FAT3: variants seen among roughly 807,000 people sequenced by gnomAD.
FAT3 encodes FAT atypical cadherin 3, also known as protocadherin Fat 3.
Under a neutral mutation model 310.2 loss-of-function variants are expected in FAT3, and 95 were observed. The ratio of observed to expected loss-of-function variants is 0.31; its 90% CI spans 0.26 to 0.36. The LOEUF (loss-of-function observed/expected upper bound fraction) is 0.36, where lower values mean the gene tolerates loss of function less well. Ranked by LOEUF, FAT3 falls within the 10% of genes least tolerant of loss-of-function variation. The pLI, the probability that FAT3 is intolerant of heterozygous loss-of-function variation, is 1.00. For synonymous variants in FAT3, 2,314 were observed against 2,192.9 expected (o/e 1.06, Z -1.54); for missense variants, 5,408 against 5,715.6 (o/e 0.95, Z 1.74).
At chr11:92,509,758 C>T (rs190660648) in intron 2 of FAT3, among the ~76,000 whole-genome samples, 2 of 152,124 alleles carry the variant, frequency 1.3e-5, no homozygotes, top group Admixed American at 1.3e-4. Context: ...ACTTTTGCAC[C>T]TAAATAAAAC....
At chr11:92,600,551 T>C (rs571150181) in intron 3 of FAT3, among the ~76,000 whole-genome samples, 1 of 152,312 alleles carries the variant, frequency 6.6e-6, no homozygotes, top group African/African-American at 2.4e-5. Context: ...TGCTTAGAAT[T>C]GTACATTAAC....
At chr11:92,618,836 T>G (rs974945705) in intron 3 of FAT3, among the ~76,000 whole-genome samples, 1 of 152,120 alleles carries the variant, frequency 6.6e-6, no homozygotes, top group African/African-American at 2.4e-5. Flanking sequence ...TTTTTTTTTC[T>G]TTTTCTTATT....
chr11:92,250,943 C>T (rs1865112072), intron 1 of FAT3, among the ~76,000 whole-genome samples: 2 of 152,150 alleles, frequency 1.3e-5, no homozygotes, highest in South Asian at 2.1e-4. Flanking sequence ...ATGACATCCG[C>T]TCTTACAATG....
intron 4 of FAT3, among the ~76,000 whole-genome samples, chr11:92,705,768 ATGG>A (rs1201634293): frequency 2.5e-4 from 3 of 12,140 alleles, no homozygotes; most frequent in Non-Finnish European, 4.6e-4. Context: ...TGATGGTGTG[ATGG>A]TGGTGGTGAT....
intron 22 of FAT3, among the ~76,000 whole-genome samples, chr11:92,868,209 C>T (rs1949296069): frequency 6.6e-6 from 1 of 152,108 alleles, no homozygotes; most frequent in Non-Finnish European, 1.5e-5. Context: ...ATCTAATGTT[C>T]GTGAAATCCA....
chr11:92,739,782 T>C (rs985028637), intron 4 of FAT3, among the ~76,000 whole-genome samples: 1 of 152,232 alleles, frequency 6.6e-6, no homozygotes, highest in African/African-American at 2.4e-5. Context: ...TCACATACTC[T>C]GAAACATGGT....
At chr11:92,748,586 A>G (rs1233708518) in intron 4 of FAT3, 1 of 152,144 alleles carries the variant, frequency 6.6e-6, no homozygotes, top group Non-Finnish European at 1.5e-5. Context: ...TTTATTCAAC[A>G]TAGTAAGTAT....
intron 21 of FAT3, among the ~76,000 whole-genome samples, chr11:92,859,914 T>TA (rs1367318313): frequency 6.6e-6 from 1 of 152,224 alleles, no homozygotes; most frequent in East Asian, 1.9e-4. Flanking sequence ...ATAATAATGG[T>TA]AATGGGCCAG....
chr11:92,588,751 A>G (rs1354107786), intron 3 of FAT3, among the ~76,000 whole-genome samples: 4 of 150,416 alleles, frequency 2.7e-5, no homozygotes, highest in Admixed American at 2.6e-4. Flanking sequence ...ACAAAAAAGC[A>G]AATAGTATGT....
chr11:92,706,486 G>A (rs1944358024), intron 4 of FAT3, among the ~76,000 whole-genome samples: 1 of 152,044 alleles, frequency 6.6e-6, no homozygotes, highest in Admixed American at 6.6e-5. Context: ...AGCAGCAGGT[G>A]TGGAAGCAGG....
At chr11:92,232,381 A>G (rs1030309890) in intron 1 of FAT3, among the ~76,000 whole-genome samples, 2 of 152,256 alleles carry the variant, frequency 1.3e-5, no homozygotes, top group African/African-American at 4.8e-5. Flanking sequence ...AAGGCATTTC[A>G]GAATGTCAAT....
At position 92,836,563 on chromosome 11, in the gene FAT3, A is replaced by T; in HGVS notation, c.10087-3A>T. On this transcript the variant is annotated splice_region_variant and splice_polypyrimidine_tract_variant and intron_variant, in intron 15 of 27. Coordinates refer to ENST00000525166, the MANE Select transcript of FAT3 (RefSeq NM_001367949.2). ...TTCTTTGTTTTGCTTGTTTTCCATG[A>T]AGCTAATAGCAGAAGATGTAGACAG... 6.2e-7 allele frequency: 1 copy of T among 1,611,604 alleles called. No homozygotes were observed. The highest frequency in any genetic ancestry group is 8.5e-7 in the Non-Finnish European group (1 of 1,179,206).
chr11:92,704,639 G>A (rs1168122699), intron 4 of FAT3, among the ~76,000 whole-genome samples: 3 of 152,076 alleles, frequency 2.0e-5, no homozygotes, highest in East Asian at 1.9e-4. Context: ...GAAGAGAGAG[G>A]GAAAAGACAG....
chr11:92,242,862 T>C (rs1386446744), intron 1 of FAT3, among the ~76,000 whole-genome samples: 2 of 152,038 alleles, frequency 1.3e-5, no homozygotes, highest in Non-Finnish European at 2.9e-5. Context: ...AGCTTGATGC[T>C]CTTGATCTAT....
rs147496370 is a variant in FAT3, at chr11:92,310,723, C to T, written c.-17-41373C>T. ...TACACATATAAGTTTCTGTAGTTGA[C>T]GGGTAACACATGACCTGAAAATAAC... On this transcript the variant is annotated intron_variant, in intron 1 of 27. Transcript: ENST00000525166. 2.9e-3 allele frequency among the ~76,000 whole-genome samples: 437 copies of T among 151,780 alleles called. 1 individual carries two copies. Among genetic ancestry groups the T allele is most frequent in the African/African-American group, 9.8e-3 (405 of 41,402 alleles).
intron 2 of FAT3, chr11:92,367,110 G>A (rs1262261636): frequency 1.6e-5 from 7 of 443,102 alleles, no homozygotes; most frequent in East Asian, 5.5e-5. Context: ...CAGAGCCAGC[G>A]TCTCCCAGTG....
At chr11:92,336,292 T>A in intron 1 of FAT3, 1 of 493,748 alleles carries the variant, frequency 2.0e-6, no homozygotes, top group South Asian at 1.7e-5. Flanking sequence ...TCTGGGTTCT[T>A]CTCATAGAAG....
In FAT3 at chr11:92,789,981, A is replaced by G. The variant is rs1946993996; in HGVS notation, c.4374A>G (p.Pro1458=). ...TGCTGGATAATAATGATAATGGCCC[A>G]GAATTCTCTCAGCCGAATTACGATG... ...IKVLDNNDNG[P]EFSQPNYDVT... The change falls in exon 8 of 28, where the codon CCA becomes CCG. Residue 1458 remains proline (P), a synonymous_variant. Transcript: ENST00000525166. 1 of 1,613,804 alleles carries G rather than the reference A, an allele frequency of 6.2e-7. No individual in the cohort carries two copies.
Position 92,844,530 on chromosome 11 carries a change from G to C in FAT3, c.11163G>C (p.Lys3721Asn), listed in dbSNP as rs1319947747. ...EFYKPAYLIQ[K>N]LSNARRHLEN... ...ACAAGCCAGCCTACCTGATCCAGAA[G>C]CTGTCCAATGCTAGAAGACACCTGG... The change falls in exon 19 of 28, where the codon AAG becomes AAC. Residue 3721 changes from lysine (K) to asparagine (N), a missense_variant. Around this residue, in one of 5 missense-constraint regions of FAT3, gnomAD observed 4,588 missense variants for 4,809.8 expected, o/e 0.95. Coordinates refer to ENST00000525166, the MANE Select transcript of FAT3 (RefSeq NM_001367949.2). 6 of 1,613,894 alleles carry C rather than the reference G, an allele frequency of 3.7e-6. No individual in the cohort carries two copies. The highest frequency in any genetic ancestry group is 5.1e-6 in the Non-Finnish European group (6 of 1,179,896).
Sources: gnomAD v4.1 joint callset for allele counts (sites outside exome capture counted in the v4.1 genomes callset) on GRCh38, gnomAD v4.1.1 for gene constraint, gnomAD v4.1.1 regional missense constraint, MANE v1.5 for transcripts, NCBI Gene and HGNC (gene_info 2026-07-23, HGNC 2026-07-21) for gene names.